The following TRMU variants were observed in gnomAD, a reference collection of about 807,000 sequenced individuals.
TRMU encodes tRNA mitochondrial 2-thiouridylase.
A neutral mutation model predicts 46.9 loss-of-function variants in TRMU; 49 were observed. The ratio of observed to expected loss-of-function variants is 1.05; its 90% CI spans 0.83 to 1.33. The LOEUF is 1.33. TRMU is among the 40% of genes most tolerant of loss of function. TRMU has a pLI of 0.00. For synonymous variants in TRMU, 241 were observed against 200.9 expected (o/e 1.20, Z -1.69); for missense variants, 572 against 532.4 (o/e 1.07, Z -0.73).
chr22:46,346,323 C>A lies in TRMU; in HGVS notation c.356-99C>A, dbSNP rs527342520. 1.0e-5 allele frequency: 15 copies of A among 1,470,456 alleles called. 1 individual carries two copies. Among genetic ancestry groups the A allele is most frequent in the Middle Eastern group, 2.3e-4 (1 of 4,376 alleles). 91.1% of individuals were successfully genotyped at this position (1,470,456 alleles called of 1,614,324 possible). On this transcript the variant is annotated intron_variant, in intron 3 of 10. Transcript: ENST00000645190. ...GATTGTGCAGCCCCTCAGCCTAAGA[C>A]TTGGGGTCTATACTCTTCTTTTGTG...
At position 46,342,669 on chromosome 22, in the gene TRMU, T is replaced by G. The variant is rs2078151227; in HGVS notation, c.249-593T>G. The stretch of plus-strand genomic sequence containing the variant: ...TCATCTCTATAAAAAAAGAAAAGGT[T>G]GCAGTGGGCCAGGTGCGGTGGCTCA... On this transcript the variant is annotated intron_variant, in intron 2 of 10. Transcript: ENST00000645190. This position sits in a 1 kb window ranked among gnomAD's most constrained non-coding sequence, Gnocchi z 4.7. Among the ~76,000 whole-genome samples the G allele has an allele frequency of 6.6e-6, 1 of 152,168 alleles. No individual in the cohort carries two copies. Among genetic ancestry groups the G allele is most frequent in the Non-Finnish European group, 1.5e-5 (1 of 68,026 alleles).
intron 10 of TRMU, 117 bp downstream of exon 10, chr22:46,356,189 C>T: frequency 6.0e-6 from 7 of 1,159,874 alleles, no homozygotes; most frequent in South Asian, 5.2e-5. Flanking sequence ...TCGGGTCACA[C>T]AGCTGGTGAG....
chr22:46,352,895 T>C, intron 7 of TRMU: 1 of 222,396 alleles, frequency 4.5e-6, no homozygotes, highest in South Asian at 7.8e-5. Flanking sequence ...GTGCAGCCAT[T>C]GTTGGGTTAG....
chr22:46,346,049 G>A lies in TRMU; in HGVS notation c.356-373G>A, dbSNP rs554087348. 2.4e-4 allele frequency among the ~76,000 whole-genome samples: 37 copies of A among 152,282 alleles called. No individual in the cohort carries two copies. In the South Asian group the frequency reaches 7.5e-3, roughly 31 times the overall value. On this transcript the variant is annotated intron_variant, in intron 3 of 10. Transcript: ENST00000645190. The stretch of plus-strand genomic sequence containing the variant: ...GCCTCCCAGAGTGCTAGGATTACAG[G>A]CATGAGCCACCGCGCCTGGCCTCCC...
At chr22:46,346,948 C>A (rs561622242) in intron 4 of TRMU, among the ~76,000 whole-genome samples, 1 of 152,276 alleles carries the variant, frequency 6.6e-6, no homozygotes, top group Admixed American at 6.5e-5. Flanking sequence ...AGACTTTCAA[C>A]GTGCTGTGAG....
At position 46,347,551 on chromosome 22, in the gene TRMU, T is replaced by C. The variant is rs547734914; in HGVS notation, c.478+1007T>C. 1.2e-4 allele frequency: 19 copies of C among 152,100 alleles called. No homozygotes were observed. Among genetic ancestry groups the C allele is most frequent in the African/African-American group, 3.9e-4 (16 of 41,480 alleles). 9.4% of individuals were successfully genotyped at this position (152,100 alleles called of 1,614,324 possible). On this transcript the variant is annotated intron_variant, in intron 4 of 10. Transcript: ENST00000645190. This position sits in a 1 kb window ranked among gnomAD's most constrained non-coding sequence, Gnocchi z 5.0. ...TTTTGTAGAGATGAGGTCTCGTTAA[T>C]GTTGTCCGTGCTGGTCTTGAATTCC... is the stretch of plus-strand genomic sequence containing the variant.
Position 46,351,185 on chromosome 22 carries a change from G to A in TRMU, c.651+722G>A, listed in dbSNP as rs1319551363. ...GCTGGGAAAGTCCAGATGAGGGAAC[G>A]GCAGTGCAAAGGCCTTGAGGCGAGG... On this transcript the variant is annotated intron_variant, in intron 5 of 10. Coordinates refer to ENST00000645190, the MANE Select transcript of TRMU (RefSeq NM_018006.5). This position sits in a 1 kb window ranked among gnomAD's most constrained non-coding sequence, Gnocchi z 6.4. Among the ~76,000 whole-genome samples, 4 of 152,222 alleles carry A rather than the reference G, an allele frequency of 2.6e-5. No individual in the cohort carries two copies. Among genetic ancestry groups the A allele is most frequent in the South Asian group, 2.1e-4 (1 of 4,832 alleles).
intron 8 of TRMU, chr22:46,355,007 T>G (rs926113751): frequency 8.5e-6 from 2 of 234,836 alleles, no homozygotes; most frequent in Non-Finnish European, 1.7e-5. Context: ...CCTCAGCCAT[T>G]TGGTGTGTGG....
Position 46,357,173 on chromosome 22 carries a change from C to T in TRMU, c.*167C>T. 1 of 900,912 alleles carries T rather than the reference C, an allele frequency of 1.1e-6. No homozygotes were observed. Among genetic ancestry groups the T allele is most frequent in the Non-Finnish European group, 1.7e-6 (1 of 581,864 alleles). The allele number at this position is 900,912 out of a possible 1,614,324, so 55.8% of individuals were successfully genotyped here. A position where few individuals can be genotyped will look rare whatever the true frequency, so the allele number is the denominator to read the frequency against. ...GGGGCCCGGCGAGCCCCAGGAAGAG[C>T]CTCAGCTCCAGGCTGGGGCTCTGGC... On this transcript the variant is annotated 3_prime_UTR_variant, in exon 11 of 11. Coordinates refer to ENST00000645190, the MANE Select transcript of TRMU (RefSeq NM_018006.5).
rs1427359497 is a variant in TRMU, at chr22:46,350,895, C to T, written c.651+432C>T. Among the ~76,000 whole-genome samples the T allele has an allele frequency of 3.3e-5, 5 of 152,228 alleles. No individual in the cohort carries two copies. Among genetic ancestry groups the T allele is most frequent in the Non-Finnish European group, 5.9e-5 (4 of 68,028 alleles). ...ACTCGTTCGGTGCCATCTGTTCGGG[C>T]GCTGTGCTGCTGGGCCGCGAGGAAT... is the stretch of plus-strand genomic sequence containing the variant. On this transcript the variant is annotated intron_variant, in intron 5 of 10. Transcript: ENST00000645190. This position sits in a 1 kb window ranked among gnomAD's most constrained non-coding sequence, Gnocchi z 4.6.
chr22:46,335,943 G>C (rs2077962633), intron 1 of TRMU, 97 bp downstream of exon 1: 2 of 1,494,466 alleles, frequency 1.3e-6, no homozygotes, highest in Non-Finnish European at 1.8e-6. Flanking sequence ...CTCCCTCCCT[G>C]GGCCGCTGGT....
intron 10 of TRMU, 132 bp downstream of exon 10, chr22:46,356,204 G>T (rs918070021): frequency 1.0e-6 from 1 of 958,542 alleles, no homozygotes; most frequent in African/African-American, 1.6e-5. Flanking sequence ...GGTGAGGGCA[G>T]AGTGCCACCA....
At position 46,339,358 on chromosome 22, in the gene TRMU, C is replaced by T. The variant is rs879663966; in HGVS notation, c.248+1414C>T. 5.9e-5 allele frequency among the ~76,000 whole-genome samples: 9 copies of T among 152,208 alleles called. No individual in the cohort carries two copies. The highest frequency in any genetic ancestry group is 9.6e-5 in the African/African-American group (4 of 41,454). ...AGAGACAGGGTTTCGCCATGTTGGC[C>T]GGGCTAGTCTCAGACTCCTGACCTC... is the stretch of plus-strand genomic sequence containing the variant. On this transcript the variant is annotated intron_variant, in intron 2 of 10. Transcript: ENST00000645190. This position sits in a 1 kb window ranked among gnomAD's most constrained non-coding sequence, Gnocchi z 4.8.
rs575426672 is a variant in TRMU at position 46,353,755 on chromosome 22, G to A, written c.773-12G>A. ...TGTTGCCCAGCCTCATGGAGAAACT[G>A]TCTTTCTGTAGGTTGGTTCCTGTAT... On this transcript the variant is annotated splice_polypyrimidine_tract_variant and intron_variant, in intron 7 of 10. Coordinates refer to ENST00000645190, the MANE Select transcript of TRMU (RefSeq NM_018006.5). 1.2e-6 allele frequency: 2 copies of A among 1,612,366 alleles called. No individual in the cohort carries two copies. The highest frequency in any genetic ancestry group is 1.7e-5 in the Admixed American group (1 of 59,994).
At position 46,339,970 on chromosome 22, in the gene TRMU, G is replaced by A. The variant is rs927346555; in HGVS notation, c.248+2026G>A. On this transcript the variant is annotated intron_variant, in intron 2 of 10. Transcript: ENST00000645190. The surrounding 1 kb of genome is among the most constrained non-coding windows in gnomAD (Gnocchi z 4.8). The stretch of plus-strand genomic sequence containing the variant: ...AAAAGAGTGTGGCGGCCAAATACAG[G>A]ATAAATCTGGGGGAAGACCAAAGGC... Among the ~76,000 whole-genome samples, 2 of 152,012 alleles carry A rather than the reference G, an allele frequency of 1.3e-5. No individual in the cohort carries two copies. The highest frequency in any genetic ancestry group is 4.8e-5 in the African/African-American group (2 of 41,364).
At position 46,342,937 on chromosome 22, in the gene TRMU, GC is replaced by G. The variant is rs1457633227; in HGVS notation, c.249-322del. ...CAGGCATCTTCTCTTCCTCACCTAA[GC>G]CCTGCTGTGTTGGAGGAGTCCCAGA... On this transcript the variant is annotated intron_variant, in intron 2 of 10. Transcript: ENST00000645190. The surrounding 1 kb of genome is among the most constrained non-coding windows in gnomAD (Gnocchi z 4.7). 6.6e-6 allele frequency among the ~76,000 whole-genome samples: 1 copy of G among 152,230 alleles called. No homozygotes were observed. The highest frequency in any genetic ancestry group is 1.5e-5 in the Non-Finnish European group (1 of 68,046).
rs2078595734 is a variant in TRMU at position 46,356,015 on chromosome 22, A to G, written c.1044A>G (p.Gln348=). The G allele has an allele frequency of 3.7e-6, 6 of 1,613,944 alleles. No homozygotes were observed. Among genetic ancestry groups the G allele is most frequent in the Non-Finnish European group, 4.2e-6 (5 of 1,179,978 alleles). Residue 348 remains glutamine (Q), a synonymous_variant, in exon 10 of 11, where the codon CAA becomes CAG. Transcript: ENST00000645190. ...ALVPCVLTLN[Q]DGTVWVTAVQ... ...TGCCCTGTGTGCTGACCCTCAATCA[A>G]GATGGCACCGTGTGGGTGACAGCTG...
chr22:46,353,645 G>T lies in TRMU; in HGVS notation c.773-122G>T. On this transcript the variant is annotated intron_variant, in intron 7 of 10. Coordinates refer to ENST00000645190, the MANE Select transcript of TRMU (RefSeq NM_018006.5). ...GTGGTTGGAGAATCGTATCTTCCTAGTGAGTTACACCATTGCTGGGCCTGC... is the reference window on the plus strand; with the variant it reads ...GTGGTTGGAGAATCGTATCTTCCTATTGAGTTACACCATTGCTGGGCCTGC... 3 of 857,174 alleles carry T rather than the reference G, an allele frequency of 3.5e-6. No homozygotes were observed. In the South Asian group the frequency reaches 4.0e-5, roughly 12 times the overall value. 53.1% of individuals were successfully genotyped at this position (857,174 alleles called of 1,614,324 possible). A position where few individuals can be genotyped will look rare whatever the true frequency, so the allele number is the denominator to read the frequency against.
rs931337190 is a variant in TRMU, at chr22:46,350,916, G to A, written c.651+453G>A. Among the ~76,000 whole-genome samples, 1 of 152,220 alleles carries A rather than the reference G, an allele frequency of 6.6e-6. No individual in the cohort carries two copies. Among genetic ancestry groups the A allele is most frequent in the African/African-American group, 2.4e-5 (1 of 41,468 alleles). On this transcript the variant is annotated intron_variant, in intron 5 of 10. Transcript: ENST00000645190. The surrounding 1 kb of genome is among the most constrained non-coding windows in gnomAD (Gnocchi z 4.6). ...CGGGCGCTGTGCTGCTGGGCCGCGA[G>A]GAATTGGTGACGCGCACACAGTTCC...
Sources: gnomAD v4.1 joint callset for allele counts (sites outside exome capture counted in the v4.1 genomes callset) on GRCh38, gnomAD v4.1.1 for gene constraint, Gnocchi (gnomAD v3.1) non-coding constraint, MANE v1.5 for transcripts, NCBI Gene and HGNC (gene_info 2026-07-23, HGNC 2026-07-21) for gene names.